Variants in WWOX observed in about 807,000 individuals in gnomAD.
WWOX encodes WW domain-containing oxidoreductase.
Under a neutral mutation model 46.2 loss-of-function variants are expected in WWOX, and 69 were observed. That is an observed-to-expected ratio of 1.49 (90% confidence interval 1.23 to 1.82). The LOEUF (loss-of-function observed/expected upper bound fraction) is 1.82, where lower values mean the gene tolerates loss of function less well. Among genes scored for constraint, WWOX ranks in the 40% most tolerant of loss-of-function variants. WWOX has a pLI of 0.00. For missense variants in WWOX, 919 were observed against 542.6 expected, an observed-to-expected ratio of 1.69 and a Z score of -6.89; for synonymous variants, 359 against 202.6, an observed-to-expected ratio of 1.77 and a Z score of -6.56.
chr16:78,197,563 T>C (rs1362709114), intron 5 of WWOX, among the ~76,000 whole-genome samples: 1 of 152,230 alleles, frequency 6.6e-6, no homozygotes, highest in Non-Finnish European at 1.5e-5. Context: ...TCCCATCTTT[T>C]TAGGAAATAT....
chr16:78,602,301 C>T (rs1446962993), intron 8 of WWOX, among the ~76,000 whole-genome samples: 2 of 151,972 alleles, frequency 1.3e-5, no homozygotes, highest in African/African-American at 2.4e-5. Context: ...GGTGTAATCT[C>T]GGCTTACTGC....
intron 5 of WWOX, among the ~76,000 whole-genome samples, chr16:78,377,286 A>G (rs72796053): frequency 0.053 from 8,066 of 152,350 alleles, 287 homozygotes; most frequent in East Asian, 0.12. Flanking sequence ...TCAACTGTGT[A>G]TAAAACTAGA....
At chr16:78,936,764 TA>T (rs75330316) in intron 8 of WWOX, among the ~76,000 whole-genome samples, 1 of 151,154 alleles carries the variant, frequency 6.6e-6, no homozygotes, top group African/African-American at 2.4e-5. Flanking sequence ...ATGAGTTAAG[TA>T]AAAAAAAAGT....
rs190137241 is a variant in WWOX, at chr16:78,531,957, G to A, written c.1056+99205G>A. On this transcript the variant is annotated intron_variant, in intron 8 of 8. Coordinates refer to ENST00000566780, the MANE Select transcript of WWOX (RefSeq NM_016373.4). ...CCCTTTCCCACCTTCCCAAAAGGGT[G>A]GGAAATTTTTAAAGTAAAGTAATAA... 1.4e-3 allele frequency among the ~76,000 whole-genome samples: 218 copies of A among 152,212 alleles called. 2 individuals carry two copies. The highest frequency in any genetic ancestry group is 4.8e-3 in the African/African-American group (199 of 41,552).
intron 8 of WWOX, chr16:78,890,976 A>G (rs2044577140): frequency 6.6e-6 from 1 of 152,236 alleles, no homozygotes; most frequent in South Asian, 2.1e-4. Flanking sequence ...AAGGAAGCAT[A>G]CAGTGGGCCT....
At chr16:78,568,017 G>A (rs767563679) in intron 8 of WWOX, among the ~76,000 whole-genome samples, 5 of 152,138 alleles carry the variant, frequency 3.3e-5, no homozygotes, top group African/African-American at 9.7e-5. Flanking sequence ...ACTACTCCGC[G>A]AATTGAAGGC....
chr16:79,176,182 A>T (rs929818968), intron 8 of WWOX, among the ~76,000 whole-genome samples: 5 of 152,194 alleles, frequency 3.3e-5, no homozygotes, highest in Non-Finnish European at 5.9e-5. Context: ...ATTATAGCTG[A>T]AACCCCCAAA....
chr16:78,681,274 A>G (rs1423389517), intron 8 of WWOX, among the ~76,000 whole-genome samples: 1 of 151,892 alleles, frequency 6.6e-6, no homozygotes, highest in Admixed American at 6.6e-5. Flanking sequence ...ACGTGGTGGC[A>G]TGTGCCTATG....
At chr16:78,422,587 T>A (rs778272426) in intron 6 of WWOX, among the ~76,000 whole-genome samples, 3 of 146,482 alleles carry the variant, frequency 2.0e-5, no homozygotes, top group Non-Finnish European at 4.5e-5. Flanking sequence ...CTCAAGTGAT[T>A]ATCCTGCCTT....
chr16:78,295,307 G>T (rs1429171001), intron 5 of WWOX, among the ~76,000 whole-genome samples: 1 of 152,178 alleles, frequency 6.6e-6, no homozygotes, highest in East Asian at 1.9e-4. Flanking sequence ...AGGAACAGCA[G>T]TTGGCGAGTT....
At chr16:78,760,666 G>T (rs1348575027) in intron 8 of WWOX, among the ~76,000 whole-genome samples, 1 of 152,184 alleles carries the variant, frequency 6.6e-6, no homozygotes, top group African/African-American at 2.4e-5. Context: ...GTCAGCATCA[G>T]ACGGCTTGTC....
chr16:78,540,249 A>G (rs2151525800), intron 8 of WWOX, among the ~76,000 whole-genome samples: 1 of 152,214 alleles, frequency 6.6e-6, no homozygotes, highest in East Asian at 1.9e-4. Flanking sequence ...AGAAAAAAAA[A>G]AAAATGGAAT....
rs193287639 is a variant in WWOX, at chr16:78,939,693, T to A, written c.1057-271915T>A. 2.6e-5 allele frequency among the ~76,000 whole-genome samples: 4 copies of A among 152,378 alleles called. No homozygotes were observed. In the East Asian group the frequency reaches 5.8e-4, roughly 22 times the overall value. On this transcript the variant is annotated intron_variant, in intron 8 of 8. Transcript: ENST00000566780. Reference sequence around the variant, plus strand: ...GAAGTTCCCTGAAACATGAAAGTGTTTGGGCTTTGTAGGTACCCAAGTCTA... The same window carrying A: ...GAAGTTCCCTGAAACATGAAAGTGTATGGGCTTTGTAGGTACCCAAGTCTA...
chr16:78,791,047 A>G (rs1053286651), intron 8 of WWOX, among the ~76,000 whole-genome samples: 5 of 149,276 alleles, frequency 3.3e-5, no homozygotes, highest in African/African-American at 4.9e-5. Flanking sequence ...AAAAAGTGAA[A>G]AAAAGGAAAA....
intron 8 of WWOX, among the ~76,000 whole-genome samples, chr16:78,766,548 G>T (rs1945302009): frequency 6.6e-6 from 1 of 152,132 alleles, no homozygotes; most frequent in South Asian, 2.1e-4. Context: ...TGATTGTGCT[G>T]TTGCACTCCA....
chr16:78,516,483 T>A (rs138293263), intron 8 of WWOX, among the ~76,000 whole-genome samples: 1 of 152,340 alleles, frequency 6.6e-6, no homozygotes, highest in African/African-American at 2.4e-5. Flanking sequence ...TCCAGACATT[T>A]GGAAACATTT....
At chr16:78,337,266 G>C (rs570671743) in intron 5 of WWOX, among the ~76,000 whole-genome samples, 1 of 151,868 alleles carries the variant, frequency 6.6e-6, no homozygotes, top group Admixed American at 6.6e-5. Context: ...TTTGAAGGTG[G>C]TTTGTTTTTT....
At chr16:78,373,828 C>G (rs2081753806) in intron 5 of WWOX, among the ~76,000 whole-genome samples, 1 of 152,176 alleles carries the variant, frequency 6.6e-6, no homozygotes, top group African/African-American at 2.4e-5. Flanking sequence ...CTCAGTGTCA[C>G]CCAGGCTGGA....
At chr16:78,406,033 GACTA>G (rs2082523164) in intron 6 of WWOX, among the ~76,000 whole-genome samples, 1 of 151,992 alleles carries the variant, frequency 6.6e-6, no homozygotes, top group African/African-American at 2.4e-5. Context: ...TCAATAGAAT[GACTA>G]ACATTTTCTG....
Sources: allele counts gnomAD v4.1 joint callset (sites outside exome capture counted in the v4.1 genomes callset), GRCh38; gene constraint gnomAD v4.1.1; transcripts MANE v1.5; gene names NCBI Gene and HGNC (gene_info 2026-07-23, HGNC 2026-07-21).